MCM8: variants seen among roughly 807,000 people sequenced by gnomAD.
MCM8 encodes the protein DNA helicase MCM8.
MCM8 carries 85 observed loss-of-function variants against 98.9 expected under a neutral mutation model. The observed-to-expected ratio is 0.86, with a 90% CI of 0.72 to 1.03. The LOEUF is 1.03. MCM8 is among the 50% of genes least tolerant of loss of function. The pLI is 0.00. For missense variants in MCM8, 951 were observed against 997.8 expected (o/e 0.95, Z 0.63); for synonymous variants, 352 against 338.6 (o/e 1.04, Z -0.44).
intron 14 of MCM8, among the ~76,000 whole-genome samples, chr20:5,984,106 G>T (rs182594942): frequency 1.3e-5 from 2 of 152,112 alleles, no homozygotes; most frequent in Non-Finnish European, 2.9e-5. Flanking sequence ...AATTCATTCT[G>T]TACAGCTTGG....
chr20:5,966,659 G>GT (rs35646087), intron 8 of MCM8, among the ~76,000 whole-genome samples: 1 of 152,158 alleles, frequency 6.6e-6, no homozygotes, highest in Non-Finnish European at 1.5e-5. Context: ...TTAGGTAGTA[G>GT]TTTTTTCTCA....
intron 8 of MCM8, 119 bp downstream of exon 8, chr20:5,963,478 T>C (rs2122699919): frequency 1.6e-6 from 1 of 614,076 alleles, no homozygotes; most frequent in Non-Finnish European, 2.8e-6. Flanking sequence ...TATAATAGTG[T>C]ATAATAGATG....
Position 5,994,867 on chromosome 20 carries a change from C to A in MCM8, c.*476C>A. ...GAGGTTACAGTGAGCCACAATCACA[C>A]CAATCACTGCACTCCAGCCTGGGCA... On this transcript the variant is annotated 3_prime_UTR_variant, in exon 19 of 19. Coordinates refer to ENST00000610722, the MANE Select transcript of MCM8 (RefSeq NM_032485.6). 1 of 306,878 alleles carries A rather than the reference C, an allele frequency of 3.3e-6. No homozygotes were observed. The highest frequency in any genetic ancestry group is 3.9e-5 in the Admixed American group (1 of 25,812). The allele number at this position is 306,878 out of a possible 1,614,324, so 19.0% of individuals were successfully genotyped here.
chr20:5,956,391 G>A (rs2088982618), intron 5 of MCM8, among the ~76,000 whole-genome samples: 3 of 152,298 alleles, frequency 2.0e-5, no homozygotes, highest in African/African-American at 7.2e-5. Flanking sequence ...GCAAACTGCT[G>A]TGTACAAGTG....
intron 13 of MCM8, among the ~76,000 whole-genome samples, chr20:5,980,019 C>T (rs995526079): frequency 4.6e-5 from 7 of 152,168 alleles, no homozygotes; most frequent in African/African-American, 9.7e-5. Flanking sequence ...CACATTTCCT[C>T]ATAAGGGCCT....
rs1232490124 is a variant in MCM8 at position 5,995,054 on chromosome 20, G to A, written c.*663G>A. On this transcript the variant is annotated 3_prime_UTR_variant, in exon 19 of 19. Transcript: ENST00000610722. ...ATATGTATGAATATTTCATAGTTTTGCATATCAGATGTAGGCATACAGACA... is the reference window on the plus strand; with the variant it reads ...ATATGTATGAATATTTCATAGTTTTACATATCAGATGTAGGCATACAGACA... The A allele has an allele frequency of 6.1e-6, 1 of 162,730 alleles. No individual in the cohort carries two copies. Among genetic ancestry groups the A allele is most frequent in the African/African-American group, 2.4e-5 (1 of 41,490 alleles). The allele number at this position is 162,730 out of a possible 1,614,324, so 10.1% of individuals were successfully genotyped here.
intron 15 of MCM8, 108 bp from the exon 16 acceptor site, chr20:5,985,814 G>A (rs1277925747): frequency 1.8e-6 from 2 of 1,082,604 alleles, no homozygotes; most frequent in Admixed American, 4.3e-5. Flanking sequence ...CCAAAGCGCA[G>A]GGATTACAGG....
At chr20:5,988,856 G>A (rs2089785569) in intron 17 of MCM8, among the ~76,000 whole-genome samples, 1 of 141,848 alleles carries the variant, frequency 7.0e-6, no homozygotes, top group Admixed American at 7.1e-5. Context: ...GAACCAGGTG[G>A]TTTTGCCCAG....
rs77480284 is a variant in MCM8 at position 5,988,615 on chromosome 20, A to G, written c.2240+1257A>G. Among the ~76,000 whole-genome samples the G allele has an allele frequency of 5.9e-5, 9 of 152,334 alleles. No homozygotes were observed. In the East Asian group the frequency reaches 1.5e-3, roughly 26 times the overall value. ...TCCCCTTTGTAGACAAATGGTAACT[A>G]TAACAACATACCATATACATGCTAT... On this transcript the variant is annotated intron_variant, in intron 17 of 18. Transcript: ENST00000610722.
intron 14 of MCM8, 39 bp downstream of exon 14, chr20:5,983,204 A>G: frequency 6.7e-7 from 1 of 1,499,506 alleles, no homozygotes; most frequent in African/African-American, 1.4e-5. Flanking sequence ...AATGTATTGA[A>G]TCACTTTAAT....
At position 5,970,835 on chromosome 20, in the gene MCM8, G is replaced by T. The variant is rs549958815; in HGVS notation, c.1224-1172G>T. On this transcript the variant is annotated intron_variant, in intron 10 of 18. Transcript: ENST00000610722. ...TCTCTTAATTTTTTTTAGAGACAGG[G>T]TCTTGCTGTGTTGCCCAGGCTGGAT... Among the ~76,000 whole-genome samples, 36 of 152,184 alleles carry T rather than the reference G, an allele frequency of 2.4e-4. 1 individual carries two copies. The South Asian group carries it at 5.8e-3, about 25-fold the overall frequency.
intron 9 of MCM8, 80 bp downstream of exon 9, chr20:5,967,667 T>C: frequency 6.8e-7 from 1 of 1,474,094 alleles, no homozygotes; most frequent in Admixed American, 2.2e-5. Context: ...CTCCTGAACC[T>C]CAAATAATTT....
At chr20:5,986,438 C>T (rs1248508105) in intron 16 of MCM8, among the ~76,000 whole-genome samples, 1 of 152,152 alleles carries the variant, frequency 6.6e-6, no homozygotes, top group East Asian at 1.9e-4. Context: ...GAGTATGAGA[C>T]CCAAGTTGAG....
intron 15 of MCM8, among the ~76,000 whole-genome samples, chr20:5,985,649 G>A (rs1158496119): frequency 6.6e-6 from 1 of 151,746 alleles, no homozygotes; most frequent in Non-Finnish European, 1.5e-5. Context: ...GGGTTCAAGT[G>A]ATTCTCCTGC....
intron 6 of MCM8, among the ~76,000 whole-genome samples, chr20:5,957,932 T>G (rs2089029583): frequency 6.6e-6 from 1 of 152,258 alleles, no homozygotes; most frequent in Non-Finnish European, 1.5e-5. Context: ...TAGCAGTTCT[T>G]TAAAAAGAAC....
intron 10 of MCM8, among the ~76,000 whole-genome samples, chr20:5,969,463 G>A (rs1009289607): frequency 3.3e-5 from 5 of 152,044 alleles, no homozygotes; most frequent in Admixed American, 6.6e-5. Context: ...ATGATGGCAG[G>A]TGCCTGTAAT....
At chr20:5,966,628 A>G (rs1252790088) in intron 8 of MCM8, among the ~76,000 whole-genome samples, 1 of 152,180 alleles carries the variant, frequency 6.6e-6, no homozygotes, top group Non-Finnish European at 1.5e-5. Context: ...AGTAGGTAGG[A>G]TAGGTTTCCT....
intron 10 of MCM8, among the ~76,000 whole-genome samples, chr20:5,969,583 C>T (rs2089356254): frequency 7.1e-6 from 1 of 141,140 alleles, no homozygotes; most frequent in South Asian, 2.3e-4. Flanking sequence ...CAGAGCAAGA[C>T]TCTGTCTCAC....
chr20:5,963,627 A>G (rs537540302), intron 8 of MCM8, among the ~76,000 whole-genome samples: 18 of 144,172 alleles, frequency 1.2e-4, no homozygotes, highest in Non-Finnish European at 2.4e-4. Context: ...CTCTGGGTTC[A>G]TGCCACTCTC....
Sources: allele counts gnomAD v4.1 joint callset (sites outside exome capture counted in the v4.1 genomes callset), GRCh38; gene constraint gnomAD v4.1.1; transcripts MANE v1.5; gene names NCBI Gene and HGNC (gene_info 2026-07-23, HGNC 2026-07-21).